Variants in OPCML observed in about 807,000 individuals in gnomAD.
OPCML encodes the protein opioid-binding protein/cell adhesion molecule.
OPCML carries 13 observed loss-of-function variants against 37.8 expected under a neutral mutation model. The observed-to-expected ratio is 0.34, with a 90% CI of 0.22 to 0.55. OPCML has a LOEUF of 0.55. Ranked by LOEUF, OPCML falls within the 20% of genes least tolerant of loss-of-function variation. OPCML has a pLI of 0.91. For synonymous variants in OPCML, 176 were observed against 168.8 expected (o/e 1.04, Z -0.33); for missense variants, 341 against 435.6 (o/e 0.78, Z 1.93).
At chr11:132,964,367 G>A (rs1422013041) in intron 1 of OPCML, among the ~76,000 whole-genome samples, 1 of 152,152 alleles carries the variant, frequency 6.6e-6, no homozygotes, top group African/African-American at 2.4e-5. Flanking sequence ...ATTATGGTAA[G>A]AGTTTGGACT....
chr11:132,940,461 T>C (rs1945539894), intron 2 of OPCML, among the ~76,000 whole-genome samples: 1 of 152,354 alleles, frequency 6.6e-6, no homozygotes, highest in Admixed American at 6.5e-5. Flanking sequence ...CTAATGAATG[T>C]CTTTAAGGAG....
intron 1 of OPCML, among the ~76,000 whole-genome samples, chr11:133,099,825 T>C (rs1949060712): frequency 6.6e-6 from 1 of 152,226 alleles, no homozygotes; most frequent in African/African-American, 2.4e-5. Context: ...CAGCCCTTTG[T>C]CAGAAGCACA....
intron 1 of OPCML, among the ~76,000 whole-genome samples, chr11:133,078,595 C>T (rs1046565453): frequency 1.6e-4 from 25 of 152,204 alleles, no homozygotes; most frequent in African/African-American, 5.8e-4. Flanking sequence ...TGCTCAATGA[C>T]TCCTGCTGTC....
chr11:132,862,159 G>GA (rs889253763), intron 2 of OPCML, among the ~76,000 whole-genome samples: 4 of 151,992 alleles, frequency 2.6e-5, no homozygotes, highest in African/African-American at 9.6e-5. Flanking sequence ...AATTTCAGAA[G>GA]AAAAAAATAC....
In OPCML at chr11:133,317,605, G is replaced by A. The variant is rs117731044; in HGVS notation, c.61+214659C>T. ...GTAGTCGCAACGGAGTTAGAAGTGA[G>A]TATCATAGTGATAGTATTTGTCATA... On this transcript the variant is annotated intron_variant, in intron 1 of 7. Coordinates refer to ENST00000524381, the MANE Select transcript of OPCML (RefSeq NM_001012393.5). 6.6e-3 allele frequency among the ~76,000 whole-genome samples: 1,006 copies of A among 152,316 alleles called. 2 individuals are homozygous for A. Among genetic ancestry groups the A allele is most frequent in the Middle Eastern group, 0.014 (4 of 294 alleles).
chr11:133,192,704 T>C (rs1938372112), intron 1 of OPCML, among the ~76,000 whole-genome samples: 1 of 152,180 alleles, frequency 6.6e-6, no homozygotes, highest in Non-Finnish European at 1.5e-5. Context: ...ATGCTAAATA[T>C]AACACACTTC....
At chr11:132,474,102 C>A (rs989749046) in intron 4 of OPCML, among the ~76,000 whole-genome samples, 1 of 152,020 alleles carries the variant, frequency 6.6e-6, no homozygotes, top group African/African-American at 2.4e-5. Flanking sequence ...TGGGAGGGGA[C>A]GACTGGCCTA....
chr11:132,719,448 G>A (rs868766691), intron 2 of OPCML, among the ~76,000 whole-genome samples: 2 of 152,276 alleles, frequency 1.3e-5, no homozygotes, highest in East Asian at 1.9e-4. Context: ...GTGTGACTGC[G>A]GTACAAAGGG....
chr11:133,226,499 G>A (rs1170181991), intron 1 of OPCML, among the ~76,000 whole-genome samples: 3 of 152,132 alleles, frequency 2.0e-5, no homozygotes, highest in Admixed American at 6.5e-5. Flanking sequence ...CCGACATGGC[G>A]GTCCTCTTCC....
chr11:132,922,078 C>G (rs1944826231), intron 2 of OPCML, among the ~76,000 whole-genome samples: 2 of 152,094 alleles, frequency 1.3e-5, no homozygotes, highest in South Asian at 4.2e-4. Context: ...CGGGGTTTCA[C>G]CATGTTGGCC....
At chr11:133,388,718 T>A (rs1006963482) in intron 1 of OPCML, among the ~76,000 whole-genome samples, 2 of 152,216 alleles carry the variant, frequency 1.3e-5, no homozygotes, top group African/African-American at 2.4e-5. Context: ...CCAGAACATG[T>A]GTCATTCTTA....
chr11:132,525,620 C>A (rs193207008), intron 4 of OPCML, among the ~76,000 whole-genome samples: 4 of 152,308 alleles, frequency 2.6e-5, no homozygotes, highest in African/African-American at 7.2e-5. Flanking sequence ...TGAGAAGGAG[C>A]ATCCTTCTGA....
intron 1 of OPCML, among the ~76,000 whole-genome samples, chr11:133,171,790 T>C (rs1482327395): frequency 6.6e-6 from 1 of 152,004 alleles, no homozygotes; most frequent in African/African-American, 2.4e-5. Flanking sequence ...CAGCAAAGGG[T>C]GGGGGCTGGA....
intron 1 of OPCML, among the ~76,000 whole-genome samples, chr11:133,167,673 G>C (rs1354835906): frequency 6.6e-6 from 1 of 152,022 alleles, no homozygotes; most frequent in Admixed American, 6.5e-5. Flanking sequence ...CGTCCACTGT[G>C]GGGTGATCAG....
rs544847576 is a variant in OPCML, at chr11:133,261,353, C to G, written c.61+270911G>C. On this transcript the variant is annotated intron_variant, in intron 1 of 7. Coordinates refer to ENST00000524381, the MANE Select transcript of OPCML (RefSeq NM_001012393.5). ...TCCTTTAGAGACTGGAATGTCTGTC[C>G]CCCCCATCTTTCCAGTCTTGGGTTC... 2.0e-5 allele frequency among the ~76,000 whole-genome samples: 3 copies of G among 152,242 alleles called. No individual in the cohort carries two copies. In the East Asian group the frequency reaches 5.8e-4, roughly 29 times the overall value.
At chr11:133,151,369 C>T (rs1048387185) in intron 1 of OPCML, among the ~76,000 whole-genome samples, 2 of 151,894 alleles carry the variant, frequency 1.3e-5, no homozygotes, top group African/African-American at 2.4e-5. Flanking sequence ...GAGGCTCCCA[C>T]ACAATTGGCA....
chr11:132,691,466 T>C (rs1320186283), intron 2 of OPCML, among the ~76,000 whole-genome samples: 1 of 152,230 alleles, frequency 6.6e-6, no homozygotes, highest in Non-Finnish European at 1.5e-5. Context: ...TCCTACCAAC[T>C]AACTCCATTT....
Position 132,654,412 on chromosome 11 carries a change from GAGAATGTCCTCCCCAAA to G in OPCML, c.379+2658_379+2674del, listed in dbSNP as rs763290513. Among the ~76,000 whole-genome samples, 305 of 151,972 alleles carry G rather than the reference GAGAATGTCCTCCCCAAA, an allele frequency of 2.0e-3. 5 individuals carry two copies. In the East Asian group the frequency reaches 0.052, roughly 26 times the overall value. On this transcript the variant is annotated intron_variant, in intron 3 of 7. Coordinates refer to ENST00000524381, the MANE Select transcript of OPCML (RefSeq NM_001012393.5). ...CTCCCCAAGAGAAGATCCTCCCCAA[GAGAATGTCCTCCCCAAA>G]GGAATGTCATCCCCAAAAGAAGATC...
chr11:133,017,590 T>C (rs1006404074), intron 1 of OPCML, among the ~76,000 whole-genome samples: 2 of 152,118 alleles, frequency 1.3e-5, no homozygotes, highest in Non-Finnish European at 2.9e-5. Flanking sequence ...GGTTTCTCCA[T>C]GTGGGTCAGG....
Sources: gnomAD v4.1 joint callset for allele counts (sites outside exome capture counted in the v4.1 genomes callset) on GRCh38, gnomAD v4.1.1 for gene constraint, MANE v1.5 for transcripts, NCBI Gene and HGNC (gene_info 2026-07-23, HGNC 2026-07-21) for gene names.